BLCAP: variants seen among roughly 807,000 people sequenced by gnomAD.
The protein encoded by BLCAP is apoptosis inducing factor BLCAP.
In BLCAP, 1 loss-of-function variant was observed where a neutral mutation model predicts 5.7. The observed-to-expected ratio is 0.18, with a 90% CI of 0.06 to 0.83. The LOEUF is 0.83. Ranked by LOEUF, BLCAP falls within the 40% of genes least tolerant of loss-of-function variation. The probability of loss-of-function intolerance (pLI) is 0.71; values close to 1 mark genes in which losing one functional copy is unlikely to be tolerated. For synonymous variants in BLCAP, 48 were observed against 49.4 expected (o/e 0.97, Z 0.11); for missense variants, 66 against 107.6 (o/e 0.61, Z 1.71).
chr20:37,527,668 T>C (rs1214454741), intron 1 of BLCAP, 125 bp downstream of exon 1: 1 of 152,366 alleles, frequency 6.6e-6, no homozygotes, highest in Non-Finnish European at 1.5e-5. Context: ...TCCCGGGGTA[T>C]GCGGAAGGAA....
chr20:37,520,384 C>G (rs1338597964), intron 1 of BLCAP: 1 of 152,248 alleles, frequency 6.6e-6, no homozygotes, highest in Non-Finnish European at 1.5e-5. Flanking sequence ...GTTCGGTGAT[C>G]CAGCCGCACA....
At chr20:37,519,819 G>A (rs899661517) in intron 1 of BLCAP, among the ~76,000 whole-genome samples, 1 of 152,252 alleles carries the variant, frequency 6.6e-6, no homozygotes, top group African/African-American at 2.4e-5. Flanking sequence ...ATCTCTCACA[G>A]CCATAGGTGC....
rs975683587 is a variant in BLCAP at position 37,521,280 on chromosome 20, C to T, written c.-176-1930G>A. On this transcript the variant is annotated intron_variant, in intron 1 of 1. Transcript: ENST00000373537. The surrounding 1 kb of genome is among the most constrained non-coding windows in gnomAD (Gnocchi z 4.5). Reference sequence around the variant, plus strand: ...GCCCAACAGCGGACTCCGAGACCAGCGGATCTCGGCAAACCCTCTTTCTCG... The same window carrying T: ...GCCCAACAGCGGACTCCGAGACCAGTGGATCTCGGCAAACCCTCTTTCTCG... 1.3e-6 allele frequency: 2 copies of T among 1,583,940 alleles called. No homozygotes were observed. Among genetic ancestry groups the T allele is most frequent in the East Asian group, 2.2e-5 (1 of 44,634 alleles).
chr20:37,525,280 C>T (rs6095096), intron 1 of BLCAP, among the ~76,000 whole-genome samples: 1 of 152,248 alleles, frequency 6.6e-6, no homozygotes, highest in Non-Finnish European at 1.5e-5. Context: ...CACTGCCCTT[C>T]TTGATGCTCT....
intron 1 of BLCAP, among the ~76,000 whole-genome samples, chr20:37,525,470 C>T (rs893062654): frequency 6.6e-6 from 1 of 152,234 alleles, no homozygotes; most frequent in Non-Finnish European, 1.5e-5. Flanking sequence ...ATCCGTCCAT[C>T]AGCAGGGCTG....
intron 1 of BLCAP, among the ~76,000 whole-genome samples, chr20:37,526,467 ACAGGGCCCATGCATGCCCCAG>A (rs2071724235): frequency 6.6e-6 from 1 of 151,886 alleles, no homozygotes. Context: ...TTGCCCTCCC[ACAGGGCCCATGCATGCCCCAG>A]CAGGATCCAG....
chr20:37,525,811 A>G (rs1470375036), intron 1 of BLCAP, among the ~76,000 whole-genome samples: 3 of 152,250 alleles, frequency 2.0e-5, no homozygotes, highest in South Asian at 2.1e-4. Flanking sequence ...CCTTAGTCAC[A>G]GTGCTGAACG....
chr20:37,519,105 T>G lies in BLCAP; in HGVS notation c.70A>C (p.Ser24Arg). ...PKPLNPALWF[S>R]HSMFMGFYLL... ...TAGAAGCCCATGAACATGGAGTGGC[T>G]GAACCACAGGGCGGGGTTGAGGGGC... The change falls in exon 2 of 2, where the codon AGC (serine) becomes CGC (arginine). Residue 24 changes from serine (S) to arginine (R), a missense_variant. Physicochemically the swap from Ser to Arg is moderately radical, Grantham distance 110. Transcript: ENST00000373537. 6.2e-7 allele frequency: 1 copy of G among 1,613,472 alleles called. No homozygotes were observed. Among genetic ancestry groups the G allele is most frequent in the Non-Finnish European group, 8.5e-7 (1 of 1,179,812 alleles).
chr20:37,519,607 G>A lies in BLCAP; in HGVS notation c.-176-257C>T, dbSNP rs777557818. On this transcript the variant is annotated intron_variant, in intron 1 of 1. Coordinates refer to ENST00000373537, the MANE Select transcript of BLCAP (RefSeq NM_006698.4). ...CCCGGGGCTTCTCCTGGGGGATCGG[G>A]GAGAGGGCTCTTTGGCACGGTTTCA... is the stretch of plus-strand genomic sequence containing the variant. 5.9e-5 allele frequency among the ~76,000 whole-genome samples: 9 copies of A among 152,174 alleles called. No individual in the cohort carries two copies. In the East Asian group the frequency reaches 1.7e-3, roughly 29 times the overall value.
chr20:37,518,827 AT>A lies in BLCAP; in HGVS notation c.*83del, dbSNP rs2071461838. On this transcript the variant is annotated 3_prime_UTR_variant, in exon 2 of 2. Transcript: ENST00000373537. The stretch of plus-strand genomic sequence containing the variant: ...AATGTGACACCCGCGAGGCTGCGGG[AT>A]TTGAAACTCCAATGCTTTATGACCT... 9.1e-6 allele frequency: 14 copies of A among 1,534,444 alleles called. No individual in the cohort carries two copies. In the South Asian group the frequency reaches 1.8e-4, roughly 20 times the overall value.
chr20:37,517,905 T>C lies in BLCAP; in HGVS notation c.*1006A>G, dbSNP rs2071435654. ...TGTAGCGGCACCTACCATATATAGC[T>C]AGCTATTGCTAAACCTCAAAATCAG... On this transcript the variant is annotated 3_prime_UTR_variant, in exon 2 of 2. Transcript: ENST00000373537. 1 of 152,660 alleles carries C rather than the reference T, an allele frequency of 6.6e-6. No homozygotes were observed. The highest frequency in any genetic ancestry group is 2.4e-5 in the African/African-American group (1 of 41,450). 9.5% of individuals were successfully genotyped at this position (152,660 alleles called of 1,614,324 possible). A position where few individuals can be genotyped will look rare whatever the true frequency, so the allele number is the denominator to read the frequency against.
chr20:37,524,370 T>C (rs2071686183), intron 1 of BLCAP: 1 of 152,270 alleles, frequency 6.6e-6, no homozygotes, highest in Admixed American at 6.5e-5. Flanking sequence ...TTCTTAGGAA[T>C]GCTTACCAGG....
At chr20:37,519,869 C>T (rs2071509483) in intron 1 of BLCAP, among the ~76,000 whole-genome samples, 1 of 152,288 alleles carries the variant, frequency 6.6e-6, no homozygotes, top group South Asian at 2.1e-4. Flanking sequence ...TAGCGGGGCA[C>T]TGCCGGCCAC....
At chr20:37,526,279 C>A (rs1476835967) in intron 1 of BLCAP, among the ~76,000 whole-genome samples, 3 of 146,872 alleles carry the variant, frequency 2.0e-5, no homozygotes, top group East Asian at 4.0e-4. Flanking sequence ...CTTCCCCCCC[C>A]CACCGCCCCC....
At chr20:37,526,545 G>A (rs2071725558) in intron 1 of BLCAP, 1 of 152,166 alleles carries the variant, frequency 6.6e-6, no homozygotes, top group African/African-American at 2.4e-5. Flanking sequence ...CAGGCAACGC[G>A]TGGTTCTTGG....
In BLCAP at chr20:37,521,433, G is replaced by C; in HGVS notation, c.-176-2083C>G. 1 of 1,609,136 alleles carries C rather than the reference G, an allele frequency of 6.2e-7. No individual in the cohort carries two copies. The highest frequency in any genetic ancestry group is 8.5e-7 in the Non-Finnish European group (1 of 1,175,450). On this transcript the variant is annotated intron_variant, in intron 1 of 1. Coordinates refer to ENST00000373537, the MANE Select transcript of BLCAP (RefSeq NM_006698.4). The surrounding 1 kb of genome is among the most constrained non-coding windows in gnomAD (Gnocchi z 4.5). ...GTCTGACGGGGTTTCGGGTGGGAGA[G>C]GGTTCCCAACTCGCGCCCCTAGAAC...
rs1601083680 is a variant in BLCAP, at chr20:37,518,814, G to T, written c.*97C>A. The T allele has an allele frequency of 6.6e-7, 1 of 1,507,676 alleles. No individual in the cohort carries two copies. The highest frequency in any genetic ancestry group is 2.3e-5 in the East Asian group (1 of 44,174). 93.4% of individuals were successfully genotyped at this position (1,507,676 alleles called of 1,614,324 possible). A position where few individuals can be genotyped will look rare whatever the true frequency, so the allele number is the denominator to read the frequency against. ...AGGCGCCGTCAGGAATGTGACACCC[G>T]CGAGGCTGCGGGATTTGAAACTCCA... On this transcript the variant is annotated 3_prime_UTR_variant, in exon 2 of 2. Transcript: ENST00000373537.
At chr20:37,526,238 C>A (rs1032764495) in intron 1 of BLCAP, among the ~76,000 whole-genome samples, 14 of 151,892 alleles carry the variant, frequency 9.2e-5, no homozygotes, top group African/African-American at 3.4e-4. Context: ...GGAGCCAACA[C>A]CCCAAAGGGA....
chr20:37,521,375 G>C lies in BLCAP; in HGVS notation c.-176-2025C>G. On this transcript the variant is annotated intron_variant, in intron 1 of 1. Coordinates refer to ENST00000373537, the MANE Select transcript of BLCAP (RefSeq NM_006698.4). This position sits in a 1 kb window ranked among gnomAD's most constrained non-coding sequence, Gnocchi z 4.5. The stretch of plus-strand genomic sequence containing the variant: ...GCCTCGGCTGAACTGCTCATCATCG[G>C]CTGGTACATCTTCCGCGTGCTGCTG... The C allele has an allele frequency of 6.2e-7, 1 of 1,614,136 alleles. No individual in the cohort carries two copies. Among genetic ancestry groups the C allele is most frequent in the East Asian group, 2.2e-5 (1 of 44,880 alleles).
Sources: gnomAD v4.1 joint callset for allele counts (sites outside exome capture counted in the v4.1 genomes callset) on GRCh38, gnomAD v4.1.1 for gene constraint, Gnocchi (gnomAD v3.1) non-coding constraint, MANE v1.5 for transcripts, NCBI Gene and HGNC (gene_info 2026-07-23, HGNC 2026-07-21) for gene names.